HECW1: variants seen among roughly 807,000 people sequenced by gnomAD.
HECW1 encodes the protein HECT, C2 and WW domain containing E3 ubiquitin protein ligase 1, also known as E3 ubiquitin-protein ligase HECW1.
In HECW1, 61 loss-of-function variants were observed where a neutral mutation model predicts 182.3. The ratio of observed to expected loss-of-function variants is 0.33; its 90% CI spans 0.27 to 0.41. The LOEUF is 0.41. Among genes scored for constraint, HECW1 ranks in the 10% least tolerant of loss-of-function variants. The pLI is 1.00. For synonymous variants in HECW1, 859 were observed against 832.6 expected (o/e 1.03, Z -0.55); for missense variants, 1,739 against 2,108.9 (o/e 0.82, Z 3.44).
intron 2 of HECW1, among the ~76,000 whole-genome samples, chr7:43,157,938 G>C (rs997432651): frequency 3.9e-5 from 6 of 152,164 alleles, no homozygotes; most frequent in African/African-American, 1.4e-4. Context: ...GACAGCTCTG[G>C]TCTGAGTCCT....
intron 3 of HECW1, among the ~76,000 whole-genome samples, chr7:43,306,784 T>TA (rs1000118457): frequency 2.3e-4 from 35 of 150,230 alleles, no homozygotes; most frequent in African/African-American, 6.3e-4. Flanking sequence ...TCCAGGTTCT[T>TA]AAAAAAAAAA....
chr7:43,498,291 G>T (rs921850941), intron 19 of HECW1, among the ~76,000 whole-genome samples: 2 of 152,194 alleles, frequency 1.3e-5, no homozygotes, highest in African/African-American at 4.8e-5. Flanking sequence ...CTAAACTGGG[G>T]ACTGCACTTT....
chr7:43,221,583 A>G (rs1796975443), intron 2 of HECW1, among the ~76,000 whole-genome samples: 6 of 52,676 alleles, frequency 1.1e-4, no homozygotes, highest in South Asian at 8.2e-4. Flanking sequence ...TTTTTTTGGG[A>G]CAGCCTGTTG....
intron 11 of HECW1, among the ~76,000 whole-genome samples, chr7:43,447,551 AG>A (rs2077097082): frequency 6.6e-6 from 1 of 152,228 alleles, no homozygotes; most frequent in African/African-American, 2.4e-5. Flanking sequence ...AAGATTCCCG[AG>A]GGGTCTCTTG....
At chr7:43,376,659 G>C (rs923277249) in intron 6 of HECW1, among the ~76,000 whole-genome samples, 1 of 152,192 alleles carries the variant, frequency 6.6e-6, no homozygotes, top group African/African-American at 2.4e-5. Context: ...GAGGTCAGGA[G>C]TTCGAGATCA....
chr7:43,232,191 T>C (rs1042052399), intron 2 of HECW1, among the ~76,000 whole-genome samples: 2 of 152,082 alleles, frequency 1.3e-5, no homozygotes, highest in Admixed American at 6.5e-5. Context: ...ATAGTTTGAA[T>C]GGGCCACAGG....
intron 8 of HECW1, among the ~76,000 whole-genome samples, chr7:43,425,093 C>T (rs6943780): frequency 1.3e-5 from 2 of 151,910 alleles, no homozygotes; most frequent in Non-Finnish European, 1.5e-5. Flanking sequence ...TGCAGCCTGC[C>T]GGTAATGTGG....
chr7:43,214,266 TAAAC>T (rs1796257404), intron 2 of HECW1, among the ~76,000 whole-genome samples: 1 of 151,998 alleles, frequency 6.6e-6, no homozygotes, highest in South Asian at 2.1e-4. Context: ...ATAAAGCAAA[TAAAC>T]AATATTAGAA....
intron 3 of HECW1, among the ~76,000 whole-genome samples, chr7:43,271,982 T>C (rs1802459645): frequency 6.6e-6 from 1 of 151,944 alleles, no homozygotes; most frequent in South Asian, 2.1e-4. Context: ...AACAGCACAG[T>C]ACTTCTACAA....
intron 25 of HECW1, 117 bp downstream of exon 25, chr7:43,541,378 G>T: frequency 1.3e-6 from 1 of 745,602 alleles, no homozygotes; most frequent in South Asian, 1.6e-5. Flanking sequence ...TCCTGTTAGG[G>T]TTATGGTGGC....
intron 5 of HECW1, among the ~76,000 whole-genome samples, chr7:43,336,112 T>A (rs1562853357): frequency 9.0e-6 from 1 of 111,152 alleles, no homozygotes; most frequent in African/African-American, 3.9e-5. Flanking sequence ...TCTTCTTTCT[T>A]TCTTTCTTTC....
intron 2 of HECW1, among the ~76,000 whole-genome samples, chr7:43,210,763 TGGG>T (rs1795939372): frequency 6.6e-6 from 1 of 152,074 alleles, no homozygotes; most frequent in Admixed American, 6.5e-5. Flanking sequence ...AGAGCAGCAA[TGGG>T]CGCCTCACTG....
At chr7:43,524,790 G>A (rs1037337994) in intron 24 of HECW1, among the ~76,000 whole-genome samples, 8 of 152,180 alleles carry the variant, frequency 5.3e-5, no homozygotes, top group South Asian at 2.1e-4. Flanking sequence ...TAGCTCTCCC[G>A]TGTGCTTGTA....
intron 28 of HECW1, 105 bp from the exon 29 acceptor site, chr7:43,554,487 C>T: frequency 2.1e-6 from 2 of 953,762 alleles, no homozygotes; most frequent in Non-Finnish European, 3.2e-6. Context: ...TCAAAAGCAG[C>T]GGTTCCGTTC....
At chr7:43,165,625 T>C (rs1056801258) in intron 2 of HECW1, among the ~76,000 whole-genome samples, 2 of 152,228 alleles carry the variant, frequency 1.3e-5, no homozygotes, top group Non-Finnish European at 2.9e-5. Flanking sequence ...TTTTGGTTTC[T>C]GGTTGTATGA....
At chr7:43,158,945 G>A (rs1289104484) in intron 2 of HECW1, among the ~76,000 whole-genome samples, 2 of 152,138 alleles carry the variant, frequency 1.3e-5, no homozygotes, top group Non-Finnish European at 2.9e-5. Context: ...AATACAGATT[G>A]CTGGGCATCA....
rs1351123826 is a variant in HECW1, at chr7:43,539,278, A to G, written c.4020-1885A>G. 5.9e-5 allele frequency among the ~76,000 whole-genome samples: 9 copies of G among 152,196 alleles called. No homozygotes were observed. In the East Asian group the frequency reaches 1.7e-3, roughly 29 times the overall value. On this transcript the variant is annotated intron_variant, in intron 24 of 29. Transcript: ENST00000395891. Reference sequence around the variant, plus strand: ...GTGTTTATGGTAGCTCACAATGATGAATTAAGAAGTTTTCCACCCTTTTCT... The same window carrying G: ...GTGTTTATGGTAGCTCACAATGATGGATTAAGAAGTTTTCCACCCTTTTCT...
intron 3 of HECW1, among the ~76,000 whole-genome samples, chr7:43,293,122 G>A (rs10259850): frequency 0.39 from 59,219 of 150,700 alleles, 15,614 homozygotes; most frequent in African/African-American, 0.75. Flanking sequence ...CTGGAGGCTG[G>A]GGCAGAAGAA....
chr7:43,150,042 A>G (rs78886524), intron 2 of HECW1, among the ~76,000 whole-genome samples: 514 of 152,280 alleles, frequency 3.4e-3, no homozygotes, highest in Middle Eastern at 6.8e-3. Context: ...GCAGTGCAAT[A>G]TATCTTATGG....
Sources: gnomAD v4.1 joint callset for allele counts (sites outside exome capture counted in the v4.1 genomes callset) on GRCh38, gnomAD v4.1.1 for gene constraint, MANE v1.5 for transcripts, NCBI Gene and HGNC (gene_info 2026-07-23, HGNC 2026-07-21) for gene names.